Variants in NUCKS1 observed in about 807,000 individuals in gnomAD.
NUCKS1 encodes the protein nuclear casein kinase and cyclin dependent kinase substrate 1, also known as nuclear ubiquitous casein and cyclin-dependent kinase substrate 1.
NUCKS1 carries 2 observed loss-of-function variants against 33.0 expected under a neutral mutation model. The observed-to-expected ratio is 0.06, with a 90% CI of 0.02 to 0.19. The LOEUF is 0.19. NUCKS1 is among the 10% of genes least tolerant of loss of function. NUCKS1 has a pLI of 1.00. For missense variants in NUCKS1, 201 were observed against 293.6 expected (o/e 0.68, Z 2.31); for synonymous variants, 106 against 102.8 (o/e 1.03, Z -0.19).
In NUCKS1 at chr1:205,717,163, TGAAAAA is replaced by T. The variant is rs534671294; in HGVS notation, c.*1111_*1116del. Reference sequence around the variant, plus strand: ...ATGAAGAAATGGGAAGATCGGGATATGAAAAAGAAAATGTTCTATCCCCAAATAAAA... The same window carrying T: ...ATGAAGAAATGGGAAGATCGGGATATGAAAATGTTCTATCCCCAAATAAAA... On this transcript the variant is annotated 3_prime_UTR_variant, in exon 7 of 7. Transcript: ENST00000367142. 59 of 271,052 alleles carry T rather than the reference TGAAAAA, an allele frequency of 2.2e-4. No homozygotes were observed. Among genetic ancestry groups the T allele is most frequent in the Non-Finnish European group, 3.1e-4 (55 of 176,874 alleles). The allele number at this position is 271,052 out of a possible 1,614,324, so 16.8% of individuals were successfully genotyped here. A position where few individuals can be genotyped will look rare whatever the true frequency, so the allele number is the denominator to read the frequency against.
intron 1 of NUCKS1, among the ~76,000 whole-genome samples, chr1:205,746,599 T>G (rs1190907921): frequency 6.6e-6 from 1 of 152,102 alleles, no homozygotes; most frequent in Non-Finnish European, 1.5e-5. Context: ...AGTTTCTAGT[T>G]TTTCTCTTTA....
At chr1:205,739,530 T>C (rs1221125891) in intron 1 of NUCKS1, among the ~76,000 whole-genome samples, 1 of 152,128 alleles carries the variant, frequency 6.6e-6, no homozygotes, top group African/African-American at 2.4e-5. Context: ...TGGAGTGCCA[T>C]GGCACAATGA....
chr1:205,734,405 A>T (rs1004138349), intron 1 of NUCKS1, among the ~76,000 whole-genome samples: 21 of 152,196 alleles, frequency 1.4e-4, no homozygotes, highest in African/African-American at 5.1e-4. Flanking sequence ...ATGATCTCAT[A>T]TGCCATTTAT....
At chr1:205,738,839 C>T (rs950888117) in intron 1 of NUCKS1, among the ~76,000 whole-genome samples, 3 of 151,946 alleles carry the variant, frequency 2.0e-5, no homozygotes, top group East Asian at 3.9e-4. Context: ...GCCTGGGAGG[C>T]GGAGGTTGCA....
chr1:205,722,116 C>T (rs1054378534), intron 4 of NUCKS1, among the ~76,000 whole-genome samples: 2 of 151,910 alleles, frequency 1.3e-5, no homozygotes, highest in Non-Finnish European at 2.9e-5. Flanking sequence ...CACTCTGTCG[C>T]CCAGATTGGA....
chr1:205,729,143 ATT>A (rs1653848441), intron 2 of NUCKS1, among the ~76,000 whole-genome samples: 1 of 152,038 alleles, frequency 6.6e-6, no homozygotes, highest in Admixed American at 6.5e-5. Context: ...TAATTTTTGT[ATT>A]TTTAGCAGAG....
At chr1:205,724,175 T>C in intron 3 of NUCKS1, 194 bp from the exon 4 acceptor site, 3 of 610,544 alleles carry the variant, frequency 4.9e-6, no homozygotes, top group Non-Finnish European at 8.9e-6. Flanking sequence ...TTATTTACGT[T>C]ACAAAACACT....
chr1:205,739,386 C>T (rs537071016), intron 1 of NUCKS1, among the ~76,000 whole-genome samples: 7 of 152,310 alleles, frequency 4.6e-5, no homozygotes, highest in South Asian at 4.1e-4. Flanking sequence ...ACTCTTCCTG[C>T]CTCAAAGATG....
intron 5 of NUCKS1, 32 bp downstream of exon 5, chr1:205,720,469 A>G (rs1470118718): frequency 6.3e-7 from 1 of 1,595,432 alleles, no homozygotes; most frequent in Non-Finnish European, 8.5e-7. Flanking sequence ...TTATGACCAA[A>G]CAACCAAAGT....
At chr1:205,739,103 C>A (rs1047367793) in intron 1 of NUCKS1, among the ~76,000 whole-genome samples, 1 of 152,164 alleles carries the variant, frequency 6.6e-6, no homozygotes, top group Admixed American at 6.5e-5. Context: ...TTAATTCTCA[C>A]CCTAATGTCA....
chr1:205,750,015 A>AGGGGGGGGGGGGGGGG lies in NUCKS1; in HGVS notation c.-43_-42insCCCCCCCCCCCCCCCC. On this transcript the variant is annotated 5_prime_UTR_variant, in exon 1 of 7. Coordinates refer to ENST00000367142, the MANE Select transcript of NUCKS1 (RefSeq NM_022731.5). The stretch of plus-strand genomic sequence containing the variant: ...GGACCGAGTCGAGAAGCCAAAGACC[A>AGGGGGGGGGGGGGGGG]GGACCCCCCCCACCCCGCGCGCTCG... The AGGGGGGGGGGGGGGGG allele has an allele frequency of 6.6e-7, 1 of 1,506,272 alleles. No individual in the cohort carries two copies. The allele number at this position is 1,506,272 out of a possible 1,614,324, so 93.3% of individuals were successfully genotyped here.
chr1:205,745,350 G>A (rs12046305), intron 1 of NUCKS1, among the ~76,000 whole-genome samples: 34,164 of 151,944 alleles, frequency 0.22, 4,343 homozygotes, highest in Admixed American at 0.32. Context: ...TTAGCCAGGC[G>A]TGGTGGGCCA....
At chr1:205,718,531 T>G in intron 6 of NUCKS1, 52 bp from the exon 7 acceptor site, 1 of 1,592,288 alleles carries the variant, frequency 6.3e-7, no homozygotes. Context: ...ATGTCTTTAA[T>G]AAAAGTCAGC....
At position 205,750,173 on chromosome 1, in the gene NUCKS1, C is replaced by T; in HGVS notation, c.-200G>A. 1.6e-6 allele frequency: 1 copy of T among 612,646 alleles called. No individual in the cohort carries two copies. The highest frequency in any genetic ancestry group is 2.9e-6 in the Non-Finnish European group (1 of 344,516). 38.0% of individuals were successfully genotyped at this position (612,646 alleles called of 1,614,324 possible). On this transcript the variant is annotated 5_prime_UTR_variant, in exon 1 of 7. Transcript: ENST00000367142. ...CGAGCCCCCCGCTCCCCCGTCTCTT[C>T]AAAATGGATGAATCAAACCAGCCGA...
At chr1:205,742,891 T>C (rs745772381) in intron 1 of NUCKS1, among the ~76,000 whole-genome samples, 2 of 152,184 alleles carry the variant, frequency 1.3e-5, no homozygotes, top group Non-Finnish European at 2.9e-5. Flanking sequence ...GTCCACAACA[T>C]GTGAGTCTCC....
rs375245253 is a variant in NUCKS1 at position 205,717,102 on chromosome 1, G to A, written c.*1178C>T. On this transcript the variant is annotated 3_prime_UTR_variant, in exon 7 of 7. Transcript: ENST00000367142. ...GTGTGCAGTGGTGCTCTACGAAGCA[G>A]CAGGATCACAGGGATGTACTTCTTA... The A allele has an allele frequency of 1.2e-5, 2 of 170,018 alleles. No individual in the cohort carries two copies. Among genetic ancestry groups the A allele is most frequent in the Admixed American group, 6.5e-5 (1 of 15,290 alleles). The allele number at this position is 170,018 out of a possible 1,614,324, so 10.5% of individuals were successfully genotyped here.
rs1467322843 is a variant in NUCKS1, at chr1:205,714,765, G to T, written c.*3515C>A. ...AGGAAATGCGTATTACTTCTGTTCTGTTTAAGCATCTCAGTCTAAATGCCA... is the reference window on the plus strand; with the variant it reads ...AGGAAATGCGTATTACTTCTGTTCTTTTTAAGCATCTCAGTCTAAATGCCA... On this transcript the variant is annotated 3_prime_UTR_variant, in exon 7 of 7. Coordinates refer to ENST00000367142, the MANE Select transcript of NUCKS1 (RefSeq NM_022731.5). The T allele has an allele frequency of 2.0e-5, 3 of 152,086 alleles. No individual in the cohort carries two copies. Among genetic ancestry groups the T allele is most frequent in the African/African-American group, 7.2e-5 (3 of 41,412 alleles). The allele number at this position is 152,086 out of a possible 1,614,324, so 9.4% of individuals were successfully genotyped here. A position where few individuals can be genotyped will look rare whatever the true frequency, so the allele number is the denominator to read the frequency against.
chr1:205,716,762 C>A lies in NUCKS1; in HGVS notation c.*1518G>T, dbSNP rs1343325296. 1.3e-5 allele frequency: 2 copies of A among 152,154 alleles called. No homozygotes were observed. The highest frequency in any genetic ancestry group is 3.8e-4 in the East Asian group (2 of 5,202). 9.4% of individuals were successfully genotyped at this position (152,154 alleles called of 1,614,324 possible). On this transcript the variant is annotated 3_prime_UTR_variant, in exon 7 of 7. Coordinates refer to ENST00000367142, the MANE Select transcript of NUCKS1 (RefSeq NM_022731.5). ...ATACCAGGACCCTTTAAACCTTGTT[C>A]CCATTAGCGCCTGGTATTAGATGTG...
intron 1 of NUCKS1, among the ~76,000 whole-genome samples, chr1:205,749,383 G>C (rs1005926287): frequency 6.6e-6 from 1 of 152,230 alleles, no homozygotes; most frequent in African/African-American, 2.4e-5. Flanking sequence ...CGGGAGGCGG[G>C]GCCTGCAGCG....
Sources: allele counts gnomAD v4.1 joint callset (sites outside exome capture counted in the v4.1 genomes callset), GRCh38; gene constraint gnomAD v4.1.1; transcripts MANE v1.5; gene names NCBI Gene and HGNC (gene_info 2026-07-23, HGNC 2026-07-21).